Variants in DMD observed in about 807,000 individuals in gnomAD.
DMD encodes dystrophin.
Under a neutral mutation model 330.1 loss-of-function variants are expected in DMD, and 63 were observed. The ratio of observed to expected loss-of-function variants is 0.19; its 90% CI spans 0.16 to 0.24. The LOEUF is 0.24. Among genes scored for constraint, DMD ranks in the 10% least tolerant of loss-of-function variants. The pLI, the probability that DMD is intolerant of heterozygous loss-of-function variation, is 1.00. For synonymous variants in DMD, 1,223 were observed against 959.8 expected (o/e 1.27, Z -5.07); for missense variants, 3,344 against 2,684.1 (o/e 1.25, Z -5.43).
At chrX:32,804,528 G>C (rs1271260078) in intron 7 of DMD, among the ~76,000 whole-genome samples, 1 of 112,586 alleles carries the variant, frequency 8.9e-6, no homozygotes, top group African/African-American at 3.2e-5. Context: ...CGTGAGGGAA[G>C]GGGCAGCTGT....
At chrX:31,811,352 G>A (rs1366663950) in intron 50 of DMD, among the ~76,000 whole-genome samples, 1 of 112,015 alleles carries the variant, frequency 8.9e-6, no homozygotes, top group Non-Finnish European at 1.9e-5. Context: ...TGCCTTCATG[G>A]AAAGACTTCC....
chrX:32,716,851 T>A (rs976786900), intron 7 of DMD, among the ~76,000 whole-genome samples: 2 of 111,748 alleles, frequency 1.8e-5, no homozygotes, highest in Admixed American at 1.9e-4. Flanking sequence ...GGCAGCATTG[T>A]GCCCCTGCTC....
intron 42 of DMD, among the ~76,000 whole-genome samples, chrX:32,309,636 G>T (rs1057180978): frequency 9.1e-6 from 1 of 110,227 alleles, no homozygotes; most frequent in African/African-American, 3.3e-5. Context: ...TATAGCACAG[G>T]TATTGACATT....
At chrX:31,560,756 C>A (rs2075148191) in intron 55 of DMD, among the ~76,000 whole-genome samples, 1 of 108,477 alleles carries the variant, frequency 9.2e-6, no homozygotes, top group African/African-American at 3.4e-5. Flanking sequence ...TGATCCACTT[C>A]CACTTAATTA....
At chrX:31,936,719 AT>A (rs2094928867) in intron 45 of DMD, among the ~76,000 whole-genome samples, 1 of 111,084 alleles carries the variant, frequency 9.0e-6, no homozygotes, top group Admixed American at 9.6e-5. Context: ...AATTGTGGCC[AT>A]TTTACCATTG....
intron 7 of DMD, among the ~76,000 whole-genome samples, chrX:32,808,883 C>T (rs987564593): frequency 8.1e-5 from 9 of 111,559 alleles, no homozygotes; most frequent in African/African-American, 2.3e-4. Context: ...GTAATCTCTA[C>T]GTCTGGAAGG....
At chrX:31,483,292 C>T (rs147701470) in intron 57 of DMD, among the ~76,000 whole-genome samples, 2,954 of 109,999 alleles carry the variant, frequency 0.027, 98 homozygotes, top group African/African-American at 0.09. Context: ...GTGATCTGCC[C>T]GCCTTGGCCT....
At chrX:32,672,638 T>C (rs1205052345) in intron 9 of DMD, among the ~76,000 whole-genome samples, 1 of 110,549 alleles carries the variant, frequency 9.0e-6, no homozygotes, top group Admixed American at 9.8e-5. Flanking sequence ...TAACACAGTA[T>C]ATTAACTGTG....
At chrX:31,721,132 T>C (rs2085438234) in intron 52 of DMD, among the ~76,000 whole-genome samples, 1 of 111,395 alleles carries the variant, frequency 9.0e-6, no homozygotes. Context: ...TATTTCCAGG[T>C]ACCTTATTAA....
intron 9 of DMD, among the ~76,000 whole-genome samples, chrX:32,681,495 G>C (rs1175007541): frequency 4.5e-5 from 5 of 111,731 alleles, no homozygotes; most frequent in Non-Finnish European, 9.4e-5. Flanking sequence ...TTCATAGTAA[G>C]AGAAGGAAGA....
chrX:32,406,229 T>C (rs747686114), intron 30 of DMD, among the ~76,000 whole-genome samples: 1 of 111,544 alleles, frequency 9.0e-6, no homozygotes, highest in African/African-American at 3.3e-5. Context: ...CTTTTCCTGA[T>C]TGAATACCCT....
chrX:32,417,336 C>T (rs1440838723), intron 29 of DMD, among the ~76,000 whole-genome samples: 1 of 110,801 alleles, frequency 9.0e-6, no homozygotes, highest in Non-Finnish European at 1.9e-5. Context: ...GTAGGGATGG[C>T]TCCCTCTGTT....
chrX:33,332,235 T>C (rs2148965237), intron 1 of DMD, among the ~76,000 whole-genome samples: 1 of 111,638 alleles, frequency 9.0e-6, no homozygotes, highest in South Asian at 3.7e-4. Context: ...AAATAAACCA[T>C]AAAAAGATTT....
intron 1 of DMD, among the ~76,000 whole-genome samples, chrX:33,206,603 A>G (rs1367535346): frequency 8.9e-6 from 1 of 111,906 alleles, no homozygotes; most frequent in Non-Finnish European, 1.9e-5. Flanking sequence ...ATCATTACAT[A>G]TACTACGCAA....
rs7880610 is a variant in DMD at position 31,157,612 on chromosome X, A to C, written c.10554-10094T>G. Among the ~76,000 whole-genome samples, 1,075 of 111,018 alleles carry C rather than the reference A, an allele frequency of 9.7e-3. 11 individuals are homozygous for C. The highest frequency in any genetic ancestry group is 0.033 in the African/African-American group (1,017 of 30,522). ...GCAAAAAGCCGTAACAGTCTCTAGA[A>C]GAATCATAATTTTAAGCTTTGTGTG... On this transcript the variant is annotated intron_variant, in intron 74 of 78. Transcript: ENST00000357033.
chrX:32,435,572 T>G (rs1173667781), intron 29 of DMD, among the ~76,000 whole-genome samples: 1 of 110,288 alleles, frequency 9.1e-6, no homozygotes, highest in Non-Finnish European at 1.9e-5. Flanking sequence ...AGTTATCAAT[T>G]TTTTGCCTTT....
At chrX:32,747,300 T>C (rs2070168319) in intron 7 of DMD, among the ~76,000 whole-genome samples, 1 of 111,994 alleles carries the variant, frequency 8.9e-6, no homozygotes, top group Non-Finnish European at 1.9e-5. Context: ...ATTCTGAGGA[T>C]TAACCTGTTT....
chrX:31,963,000 AAAAGCTATTTGGTTG>A (rs758928805), intron 45 of DMD, among the ~76,000 whole-genome samples: 72 of 112,102 alleles, frequency 6.4e-4, no homozygotes, highest in Middle Eastern at 4.7e-3. Flanking sequence ...TAAGATGCTG[AAAAGCTATTTGGTTG>A]AAAGCTATTT....
At chrX:33,202,703 T>C (rs2051345785) in intron 1 of DMD, among the ~76,000 whole-genome samples, 1 of 111,934 alleles carries the variant, frequency 8.9e-6, no homozygotes, top group South Asian at 3.7e-4. Flanking sequence ...AAATGGATTC[T>C]TCAATGAGAA....
Sources: allele counts gnomAD v4.1 joint callset (sites outside exome capture counted in the v4.1 genomes callset), GRCh38; gene constraint gnomAD v4.1.1; transcripts MANE v1.5; gene names NCBI Gene and HGNC (gene_info 2026-07-23, HGNC 2026-07-21).